COMP: variants seen among roughly 807,000 people sequenced by gnomAD.
The protein encoded by COMP is cartilage oligomeric matrix protein, also known as cartilage oligomeric matrix protein (pseudoachondroplasia, epiphyseal dysplasia 1, multiple).
COMP carries 79 observed loss-of-function variants against 95.8 expected under a neutral mutation model. The observed-to-expected ratio is 0.82, with a 90% CI of 0.69 to 0.99. The LOEUF (loss-of-function observed/expected upper bound fraction) is 0.99. COMP is among the 50% of genes least tolerant of loss of function. The probability of loss-of-function intolerance (pLI) is 0.00; values close to 1 mark genes in which losing one functional copy is unlikely to be tolerated. For missense variants in COMP, 906 were observed against 1,076.1 expected (o/e 0.84, Z 2.21); for synonymous variants, 438 against 433.9 (o/e 1.01, Z -0.12).
intron 3 of COMP, 57 bp downstream of exon 3, chr19:18,790,505 G>C: frequency 6.2e-7 from 1 of 1,601,674 alleles, no homozygotes; most frequent in Non-Finnish European, 8.5e-7. Context: ...CTCTGTCTCT[G>C]TCTCTGTGTC....
rs754475799 is a variant in COMP, at chr19:18,785,767, TCAGCGTTCTCCGGA to T, written c.1560_1573del (p.Cys520Ter). ...GGCCCTGAAGTCGGTGAGCGTGACT[TCAGCGTTCTCCGGA>T]CACACGTCGATCTTGTCTACCACCT... On this transcript the variant is annotated stop_gained and frameshift_variant, in exon 14 of 19. Coordinates refer to ENST00000222271, the MANE Select transcript of COMP (RefSeq NM_000095.3). LOFTEE classifies it high-confidence loss of function. The T allele has an allele frequency of 6.4e-5, 104 of 1,613,268 alleles. No homozygotes were observed. Among genetic ancestry groups the T allele is most frequent in the Non-Finnish European group, 8.0e-5 (94 of 1,180,018 alleles).
rs1390664551 is a variant in COMP, at chr19:18,787,609, C to T, written c.1017G>A (p.Thr339=). Residue 339 remains threonine, a synonymous_variant, in exon 10 of 19, where the codon ACG becomes ACA. Coordinates refer to ENST00000222271, the MANE Select transcript of COMP (RefSeq NM_000095.3). ...PLVRNPDQRN[T]DEDKWGDACD... is the part of the protein sequence containing the mutation. Reference sequence around the variant, plus strand: ...ACGCATCGCCCCACTTGTCCTCGTCCGTGTTGCGCTGGTCTGGGTTCCGCA... The same window carrying T: ...ACGCATCGCCCCACTTGTCCTCGTCTGTGTTGCGCTGGTCTGGGTTCCGCA... 3 of 1,614,036 alleles carry T rather than the reference C, an allele frequency of 1.9e-6. No homozygotes were observed. The highest frequency in any genetic ancestry group is 2.5e-6 in the Non-Finnish European group (3 of 1,180,044).
In COMP at chr19:18,786,527, C is replaced by T. The variant is rs775953172; in HGVS notation, c.1254+5G>A. On this transcript the variant is annotated splice_donor_5th_base_variant and intron_variant, in intron 11 of 18. Transcript: ENST00000222271. The stretch of plus-strand genomic sequence containing the variant: ...TTACCCAGCTGGAGTCTGGCCTGCC[C>T]TCACCTGATCCGGGTTGCTCTTCTG... 2 of 1,612,566 alleles carry T rather than the reference C, an allele frequency of 1.2e-6. No individual in the cohort carries two copies. The highest frequency in any genetic ancestry group is 1.7e-6 in the Non-Finnish European group (2 of 1,178,596).
chr19:18,788,463 G>A lies in COMP; in HGVS notation c.814C>T (p.Leu272=). 1 of 1,610,710 alleles carries A rather than the reference G, an allele frequency of 6.2e-7. No homozygotes were observed. Among genetic ancestry groups the A allele is most frequent in the Non-Finnish European group, 8.5e-7 (1 of 1,179,194 alleles). The change falls in exon 8 of 19, where the codon CTA becomes TTA. Residue 272 remains leucine (L), a synonymous_variant. Transcript: ENST00000222271. The surrounding 1 kb of genome is among the most constrained non-coding windows in gnomAD (Gnocchi z 4.7). ...AGCTTCTCGTCCGGGAAGCCGTCTA[G>A]GTCAGTGTCGCGACCACAGAGGATC... ...NGILCGRDTD[L]DGFPDEKLRC... is the part of the protein sequence containing the mutation.
intron 3 of COMP, 62 bp from the exon 4 acceptor site, chr19:18,790,176 T>G: frequency 7.7e-7 from 1 of 1,291,502 alleles, no homozygotes; most frequent in South Asian, 1.4e-5. Flanking sequence ...GGGCAGAGCC[T>G]ATCATGGCCA....
In COMP at chr19:18,783,046, C is replaced by G. The variant is rs116499541; in HGVS notation, c.2227+8G>C. 2.5e-6 allele frequency: 4 copies of G among 1,612,090 alleles called. No homozygotes were observed. Among genetic ancestry groups the G allele is most frequent in the Non-Finnish European group, 3.4e-6 (4 of 1,180,018 alleles). On this transcript the variant is annotated splice_region_variant and intron_variant, in intron 18 of 18. Coordinates refer to ENST00000222271, the MANE Select transcript of COMP (RefSeq NM_000095.3). ...TCCCCGCCCACGGCCCGCTGGCCCT[C>G]GGCTCACCATTGCAGCGGTAACGCA...
rs1269335098 is a variant in COMP at position 18,784,085 on chromosome 19, G to A, written c.2087+106C>T. ...CTAACTGCCCTGTATCTTTCCTATC[G>A]TACAGATGAGGGGACCAGGGTCACA... On this transcript the variant is annotated intron_variant, in intron 17 of 18. Transcript: ENST00000222271. The surrounding 1 kb of genome is among the most constrained non-coding windows in gnomAD (Gnocchi z 4.9). The A allele has an allele frequency of 4.4e-5, 56 of 1,285,042 alleles. No homozygotes were observed. Among genetic ancestry groups the A allele is most frequent in the South Asian group, 1.7e-4 (14 of 83,366 alleles). 79.6% of individuals were successfully genotyped at this position (1,285,042 alleles called of 1,614,324 possible). A position where few individuals can be genotyped will look rare whatever the true frequency, so the allele number is the denominator to read the frequency against.
rs746701204 is a variant in COMP at position 18,788,839 on chromosome 19, C to T, written c.603G>A (p.Arg201=). The change falls in exon 6 of 19, where the codon CGG becomes CGA. Residue 201 remains arginine (R), a splice_region_variant and synonymous_variant. Transcript: ENST00000222271. The surrounding 1 kb of genome is among the most constrained non-coding windows in gnomAD (Gnocchi z 4.7). ...CVPNSVCINT[R]GSFQCGPCQP... ...TTTCTTCCTCCCCAGCGGGCCTTAC[C>T]CGGGTGTTGATGCACACGGAGTTGG... 6 of 1,613,890 alleles carry T rather than the reference C, an allele frequency of 3.7e-6. No individual in the cohort carries two copies. The highest frequency in any genetic ancestry group is 2.2e-5 in the South Asian group (2 of 91,032).
At chr19:18,787,285 TTCCCTTCCAAATA>T (rs1423096690) in intron 10 of COMP, among the ~76,000 whole-genome samples, 193 bp downstream of exon 10, 2 of 152,250 alleles carry the variant, frequency 1.3e-5, no homozygotes, top group African/African-American at 4.8e-5. Context: ...AGGGACCACC[TTCCCTTCCAAATA>T]TCCCTGCGTT....
chr19:18,783,144 AGAC>A lies in COMP; in HGVS notation c.2134_2136del (p.Val712del). The A allele has an allele frequency of 6.2e-7, 1 of 1,610,744 alleles. No individual in the cohort carries two copies. Among genetic ancestry groups the A allele is most frequent in the Non-Finnish European group, 8.5e-7 (1 of 1,180,012 alleles). The stretch of plus-strand genomic sequence containing the variant: ...CGGCCACCCCGCATGGTTGTGTCCA[AGAC>A]CACGTTGCTGTCGGCCACCAGCTCA... On this transcript the variant is annotated inframe_deletion, in exon 18 of 19. Transcript: ENST00000222271.
In COMP at chr19:18,789,578, G is replaced by C. The variant is rs1359753556; in HGVS notation, c.391-281C>G. Reference sequence around the variant, plus strand: ...GGGCAGGGGTCGTCGGGGCGTGCGTGCCCGGCGGTGGCGGGGGGTCTGGGC... The same window carrying C: ...GGGCAGGGGTCGTCGGGGCGTGCGTCCCCGGCGGTGGCGGGGGGTCTGGGC... On this transcript the variant is annotated intron_variant, in intron 4 of 18. Coordinates refer to ENST00000222271, the MANE Select transcript of COMP (RefSeq NM_000095.3). The surrounding 1 kb of genome is among the most constrained non-coding windows in gnomAD (Gnocchi z 6.1). Among the ~76,000 whole-genome samples, 1 of 151,414 alleles carries C rather than the reference G, an allele frequency of 6.6e-6. No individual in the cohort carries two copies. The highest frequency in any genetic ancestry group is 1.5e-5 in the Non-Finnish European group (1 of 67,828).
rs538962533 is a variant in COMP, at chr19:18,784,027, G to T, written c.2087+164C>A. 2.0e-3 allele frequency among the ~76,000 whole-genome samples: 298 copies of T among 152,284 alleles called. No individual in the cohort carries two copies. The highest frequency in any genetic ancestry group is 3.6e-3 in the Non-Finnish European group (247 of 68,018). ...TCCAAAGTGATGGGGTTACAGGTGT[G>T]AGCCACCACGCCTGGACCAGCATAG... On this transcript the variant is annotated intron_variant, in intron 17 of 18. Coordinates refer to ENST00000222271, the MANE Select transcript of COMP (RefSeq NM_000095.3). This position sits in a 1 kb window ranked among gnomAD's most constrained non-coding sequence, Gnocchi z 4.9.
rs1320381990 is a variant in COMP at position 18,788,730 on chromosome 19, C to T, written c.624G>A (p.Pro208=). 1 of 1,550,892 alleles carries T rather than the reference C, an allele frequency of 6.4e-7. No homozygotes were observed. The change falls in exon 7 of 19, where the codon CCG becomes CCA. Residue 208 remains proline (P), a synonymous_variant. Transcript: ENST00000222271. This position sits in a 1 kb window ranked among gnomAD's most constrained non-coding sequence, Gnocchi z 4.7. Reference sequence around the variant, plus strand: ...GGTCGCCCACGAAGCCGGGCTGGCACGGGCCGCACTGGAAGGAGCCCTGCG... The same window carrying T: ...GGTCGCCCACGAAGCCGGGCTGGCATGGGCCGCACTGGAAGGAGCCCTGCG... The part of the protein sequence containing the change: ...INTRGSFQCG[P]CQPGFVGDQA...
At position 18,788,679 on chromosome 19, in the gene COMP, TGC is replaced by T; in HGVS notation, c.673_674del (p.Ala225ThrfsTer46). ...GCGAGCCGTCGGGGCAGAAGCGCTGTGCGCGCCGCTGGCAGCCGGACGCCTGG... is the reference window on the plus strand; with the variant it reads ...GCGAGCCGTCGGGGCAGAAGCGCTGTGCGCCGCTGGCAGCCGGACGCCTGG... The part of the protein sequence containing the change: ...GDQASGCQRR[A>X]QRFCPDGSPS... On this transcript the variant is annotated frameshift_variant, in exon 7 of 19. Transcript: ENST00000222271. LOFTEE classifies it high-confidence loss of function. The surrounding 1 kb of genome is among the most constrained non-coding windows in gnomAD (Gnocchi z 4.7). 1.9e-6 allele frequency: 3 copies of T among 1,542,218 alleles called. No homozygotes were observed. The highest frequency in any genetic ancestry group is 1.7e-6 in the Non-Finnish European group (2 of 1,145,134).
chr19:18,790,839 G>T lies in COMP; in HGVS notation c.165+11C>A. The T allele has an allele frequency of 6.4e-7, 1 of 1,555,626 alleles. No individual in the cohort carries two copies. On this transcript the variant is annotated intron_variant, in intron 2 of 18. Transcript: ENST00000222271. The stretch of plus-strand genomic sequence containing the variant: ...CCCTGGCACTCCCTGCCCCGCACCC[G>T]GGCCCCGCACCTGCTGCCGCAGCAG...
At position 18,784,799 on chromosome 19, in the gene COMP, T is replaced by A; in HGVS notation, c.1914+97A>T. 1 of 1,374,960 alleles carries A rather than the reference T, an allele frequency of 7.3e-7. No homozygotes were observed. Among genetic ancestry groups the A allele is most frequent in the Non-Finnish European group, 1.0e-6 (1 of 978,038 alleles). 85.2% of individuals were successfully genotyped at this position (1,374,960 alleles called of 1,614,324 possible). A position where few individuals can be genotyped will look rare whatever the true frequency, so the allele number is the denominator to read the frequency against. ...AGCTTTGAGGTCCATAGTATGAGGC[T>A]AGGGGGCTGGGGGGCTCTAAGGGCT... On this transcript the variant is annotated intron_variant, in intron 16 of 18. Transcript: ENST00000222271. The surrounding 1 kb of genome is among the most constrained non-coding windows in gnomAD (Gnocchi z 4.9).
Position 18,788,244 on chromosome 19 carries a change from C to T in COMP, c.943G>A (p.Asp315Asn), listed in dbSNP as rs971217001. Residue 315 changes from aspartate to asparagine, a missense_variant, in exon 9 of 19, where the codon GAT becomes AAT. Coordinates refer to ENST00000222271, the MANE Select transcript of COMP (RefSeq NM_000095.3). This position sits in a 1 kb window ranked among gnomAD's most constrained non-coding sequence, Gnocchi z 4.7. ...RDGIGDACDP[D>N]ADGDGVPNEK... Reference sequence around the variant, plus strand: ...TTGGGGACCCCGTCCCCGTCGGCATCCGGATCGCAGGCGTCTCCGATGCCA... The same window carrying T: ...TTGGGGACCCCGTCCCCGTCGGCATTCGGATCGCAGGCGTCTCCGATGCCA... 5.0e-6 allele frequency: 8 copies of T among 1,613,194 alleles called. No homozygotes were observed. In the African/African-American group the frequency reaches 6.7e-5, roughly 13 times the overall value.
chr19:18,791,052 C>A, intron 1 of COMP, 117 bp from the exon 2 acceptor site: 1 of 1,506,644 alleles, frequency 6.6e-7, no homozygotes, highest in South Asian at 1.2e-5. Context: ...TAGTCTCGGT[C>A]CCGCCACCTG....
intron 17 of COMP, among the ~76,000 whole-genome samples, chr19:18,783,937 G>T (rs1244089828): frequency 6.6e-6 from 1 of 152,052 alleles, no homozygotes; most frequent in African/African-American, 2.4e-5. Context: ...GTAGAGACAG[G>T]GTCTTACTAT....
Sources: gnomAD v4.1 joint callset for allele counts (sites outside exome capture counted in the v4.1 genomes callset) on GRCh38, gnomAD v4.1.1 for gene constraint, Gnocchi (gnomAD v3.1) non-coding constraint, MANE v1.5 for transcripts, NCBI Gene and HGNC (gene_info 2026-07-23, HGNC 2026-07-21) for gene names.